RAPGEF2: variants seen among roughly 807,000 people sequenced by gnomAD.
RAPGEF2 encodes the protein Rap guanine nucleotide exchange factor 2.
Under a neutral mutation model 186.7 loss-of-function variants are expected in RAPGEF2, and 54 were observed. That is an observed-to-expected ratio of 0.29 (90% CI 0.23 to 0.36). The LOEUF (loss-of-function observed/expected upper bound fraction) is 0.36, where lower values mean the gene tolerates loss of function less well. Ranked by LOEUF, RAPGEF2 falls within the 10% of genes least tolerant of loss-of-function variation. The pLI is 1.00. For missense variants in RAPGEF2, 1,532 were observed against 2,045.0 expected (o/e 0.75, Z 4.84); for synonymous variants, 712 against 705.9 (o/e 1.01, Z -0.14).
intron 7 of RAPGEF2, among the ~76,000 whole-genome samples, chr4:159,283,678 A>G (rs1028915945): frequency 1.3e-5 from 2 of 152,216 alleles, no homozygotes; most frequent in Admixed American, 6.5e-5. Context: ...AAGAAAGCAA[A>G]TAAGTTTTTT....
In RAPGEF2 at chr4:159,279,536, A is replaced by G. The variant is rs533506239; in HGVS notation, c.544-24806A>G. 7.9e-5 allele frequency among the ~76,000 whole-genome samples: 12 copies of G among 152,326 alleles called. No individual in the cohort carries two copies. In the South Asian group the frequency reaches 2.3e-3, roughly 29 times the overall value. ...TAACTGCTACCATCCCTGACATAAA[A>G]TGTAGAGTAACTTTACCTTGATCTC... On this transcript the variant is annotated intron_variant, in intron 7 of 29. Transcript: ENST00000691494.
chr4:159,117,456 T>G (rs967698863), intron 1 of RAPGEF2, among the ~76,000 whole-genome samples: 2 of 152,224 alleles, frequency 1.3e-5, no homozygotes, highest in Non-Finnish European at 2.9e-5. Context: ...CTATCTTGAT[T>G]CTATTTTCTC....
At chr4:159,104,521 A>AGAGAGAGAGAGAGG (rs1560964711) in intron 1 of RAPGEF2, among the ~76,000 whole-genome samples, 1 of 124,802 alleles carries the variant, frequency 8.0e-6, no homozygotes, top group Non-Finnish European at 1.7e-5. Context: ...AGAGAGAGAG[A>AGAGAGAGAGAGAGG]GAGAGGGAGA....
intron 7 of RAPGEF2, among the ~76,000 whole-genome samples, chr4:159,277,023 A>G (rs1189058833): frequency 2.0e-5 from 3 of 151,948 alleles, no homozygotes; most frequent in Admixed American, 2.0e-4. Context: ...TGCTGCACCC[A>G]TTAACTCATC....
intron 4 of RAPGEF2, among the ~76,000 whole-genome samples, chr4:159,220,271 T>C (rs1751406955): frequency 6.6e-6 from 1 of 151,838 alleles, no homozygotes; most frequent in African/African-American, 2.4e-5. Flanking sequence ...AGCACGTGTT[T>C]GTGTGTTGAT....
intron 7 of RAPGEF2, among the ~76,000 whole-genome samples, chr4:159,280,901 A>G (rs1162900924): frequency 6.6e-6 from 1 of 152,130 alleles, no homozygotes; most frequent in East Asian, 1.9e-4. Flanking sequence ...ACAATAAAGT[A>G]CTTTATTTAC....
Position 159,332,518 on chromosome 4 carries a change from T to C in RAPGEF2, c.1956T>C (p.Ile652=). 6.2e-7 allele frequency: 1 copy of C among 1,614,060 alleles called. No homozygotes were observed. The highest frequency in any genetic ancestry group is 2.2e-5 in the East Asian group (1 of 44,866). Residue 652 remains isoleucine, a synonymous_variant, in exon 17 of 30, where the codon ATT becomes ATC. Transcript: ENST00000691494. ...KRNGAPHLPK[I]GDIKKASRYS... is the part of the protein sequence containing the mutation. ...ATGGTGCCCCCCACCTTCCTAAAAT[T>C]GGTGACATTAAAAAGGCCAGTCGCT...
At chr4:159,130,674 A>G (rs998690203) in intron 1 of RAPGEF2, among the ~76,000 whole-genome samples, 3 of 152,200 alleles carry the variant, frequency 2.0e-5, no homozygotes, top group Non-Finnish European at 4.4e-5. Flanking sequence ...GGCTTAGCGA[A>G]TAAATTACTC....
chr4:159,165,897 A>G (rs1422744980), intron 1 of RAPGEF2, among the ~76,000 whole-genome samples: 2 of 152,210 alleles, frequency 1.3e-5, no homozygotes, highest in African/African-American at 4.8e-5. Flanking sequence ...CTAGCTAACA[A>G]TGGACATTTT....
chr4:159,130,187 G>GT (rs1312762362), intron 1 of RAPGEF2, among the ~76,000 whole-genome samples: 4 of 152,160 alleles, frequency 2.6e-5, no homozygotes. Context: ...TGTCATCTTG[G>GT]TTTTGGTGGG....
intron 7 of RAPGEF2, among the ~76,000 whole-genome samples, chr4:159,283,611 G>A (rs1414446603): frequency 6.6e-6 from 1 of 152,166 alleles, no homozygotes; most frequent in Non-Finnish European, 1.5e-5. Context: ...GCATCTTAGA[G>A]TGTCAGGTTA....
At chr4:159,252,506 A>G (rs1243776733) in intron 7 of RAPGEF2, among the ~76,000 whole-genome samples, 3 of 152,252 alleles carry the variant, frequency 2.0e-5, no homozygotes, top group Non-Finnish European at 4.4e-5. Flanking sequence ...ATACTTGAGC[A>G]TCGTTGATAT....
At chr4:159,324,071 A>G (rs1765605810) in intron 11 of RAPGEF2, among the ~76,000 whole-genome samples, 1 of 150,834 alleles carries the variant, frequency 6.6e-6, no homozygotes, top group African/African-American at 2.4e-5. Context: ...TAATTTTTGT[A>G]TTTGTAGTAG....
intron 26 of RAPGEF2, among the ~76,000 whole-genome samples, chr4:159,350,780 A>AT (rs1375723912): frequency 6.6e-6 from 1 of 152,168 alleles, no homozygotes; most frequent in Non-Finnish European, 1.5e-5. Flanking sequence ...ACATTCTCAT[A>AT]TTAAAAGAGT....
intron 1 of RAPGEF2, among the ~76,000 whole-genome samples, chr4:159,163,869 T>C (rs1744979395): frequency 1.3e-5 from 2 of 152,170 alleles, no homozygotes; most frequent in Admixed American, 1.3e-4. Context: ...TAGATGAGTG[T>C]GAAGAAATTA....
Position 159,355,877 on chromosome 4 carries a change from A to AGCCGCC in RAPGEF2, c.4679_4680insGCCGCC (p.Pro1561_Pro1562dup). The AGCCGCC allele has an allele frequency of 1.3e-6, 2 of 1,546,306 alleles. No individual in the cohort carries two copies. The highest frequency in any genetic ancestry group is 2.5e-5 in the East Asian group (1 of 40,726). On this transcript the variant is annotated inframe_insertion, in exon 29 of 30. Coordinates refer to ENST00000691494, the MANE Select transcript of RAPGEF2 (RefSeq NM_001394067.2). ...GCACGAAAGGAGGGCAGGTATCGAG[A>AGCCGCC]GCCCCCGCCCACCCCTCCCGGCTAC...
chr4:159,318,839 C>T (rs1007953054), intron 9 of RAPGEF2, among the ~76,000 whole-genome samples: 2 of 152,046 alleles, frequency 1.3e-5, no homozygotes, highest in African/African-American at 2.4e-5. Context: ...GCTTCGGCTT[C>T]TGGTATCTAT....
chr4:159,238,536 C>T (rs1017254099), intron 4 of RAPGEF2, among the ~76,000 whole-genome samples: 1 of 152,100 alleles, frequency 6.6e-6, no homozygotes, highest in African/African-American at 2.4e-5. Flanking sequence ...TAACAGAAAA[C>T]TCACTCATGC....
chr4:159,191,203 G>GAA (rs34566825), intron 2 of RAPGEF2, among the ~76,000 whole-genome samples: 3 of 148,998 alleles, frequency 2.0e-5, no homozygotes, highest in East Asian at 3.9e-4. Flanking sequence ...AAAAGAGACA[G>GAA]AAAAAAAAAA....
Sources: gnomAD v4.1 joint callset for allele counts (sites outside exome capture counted in the v4.1 genomes callset) on GRCh38, gnomAD v4.1.1 for gene constraint, MANE v1.5 for transcripts, NCBI Gene and HGNC (gene_info 2026-07-23, HGNC 2026-07-21) for gene names.